The following THADA variants were observed in gnomAD, a reference collection of about 807,000 sequenced individuals.
THADA encodes THADA armadillo repeat containing.
THADA carries 213 observed loss-of-function variants against 219.8 expected under a neutral mutation model. The ratio of observed to expected loss-of-function variants is 0.97; its 90% CI spans 0.87 to 1.09. The LOEUF is 1.09. Among genes scored for constraint, THADA ranks in the 50% least tolerant of loss-of-function variants. THADA has a pLI of 0.00. For synonymous variants in THADA, 1,018 were observed against 828.9 expected, an observed-to-expected ratio of 1.23 and a Z score of -3.92; for missense variants, 2,956 against 2,311.3, an observed-to-expected ratio of 1.28 and a Z score of -5.72.
intron 22 of THADA, among the ~76,000 whole-genome samples, chr2:43,515,920 T>C (rs1691666185): frequency 6.6e-6 from 1 of 152,008 alleles, no homozygotes; most frequent in Non-Finnish European, 1.5e-5. Context: ...CAAACTAAAC[T>C]CCTGATCTTC....
chr2:43,422,394 C>T (rs564243085), intron 28 of THADA, among the ~76,000 whole-genome samples: 1 of 152,138 alleles, frequency 6.6e-6, no homozygotes, highest in Non-Finnish European at 1.5e-5. Flanking sequence ...CTCCCCTCGA[C>T]AGATACTAGT....
chr2:43,590,754 A>T, intron 4 of THADA, 70 bp downstream of exon 4: 3 of 1,546,718 alleles, frequency 1.9e-6, no homozygotes, highest in Non-Finnish European at 1.8e-6. Flanking sequence ...CAAACCAAGG[A>T]AGGAACTTCA....
At chr2:43,541,393 A>C (rs114312321) in intron 20 of THADA, 77 bp from the exon 21 acceptor site, 1 of 1,546,622 alleles carries the variant, frequency 6.5e-7, no homozygotes, top group Non-Finnish European at 8.9e-7. Flanking sequence ...CTTATTCATA[A>C]TTTCCCCAAG....
chr2:43,579,441 T>C (rs1039747498), intron 8 of THADA, among the ~76,000 whole-genome samples: 2 of 152,226 alleles, frequency 1.3e-5, no homozygotes, highest in Non-Finnish European at 2.9e-5. Context: ...GTTTTATCTC[T>C]ATTAGCCTCT....
At chr2:43,454,784 A>G (rs540482523) in intron 26 of THADA, among the ~76,000 whole-genome samples, 2 of 152,304 alleles carry the variant, frequency 1.3e-5, no homozygotes, top group Non-Finnish European at 2.9e-5. Context: ...ATAAAAGTAC[A>G]CTCTATTTTA....
chr2:43,462,059 G>A (rs1446843093), intron 26 of THADA, among the ~76,000 whole-genome samples: 3 of 152,132 alleles, frequency 2.0e-5, no homozygotes, highest in Non-Finnish European at 2.9e-5. Context: ...TCTGAGGAAG[G>A]CTGCTGAATC....
At chr2:43,363,597 G>A (rs889244333) in intron 29 of THADA, among the ~76,000 whole-genome samples, 4 of 152,150 alleles carry the variant, frequency 2.6e-5, no homozygotes, top group African/African-American at 7.2e-5. Context: ...CTTCAACTTT[G>A]GTTATCACTG....
At position 43,377,837 on chromosome 2, in the gene THADA, G is replaced by C. The variant is rs528398861; in HGVS notation, c.4227+20134C>G. ...GCACAGGGGACTGCCAGGAAAAACT[G>C]TTCCTGAAGATGAGCTAAAAAAGAA... On this transcript the variant is annotated intron_variant, in intron 29 of 37. Transcript: ENST00000405975. Among the ~76,000 whole-genome samples, 132 of 152,258 alleles carry C rather than the reference G, an allele frequency of 8.7e-4. No homozygotes were observed. In the Middle Eastern group the frequency reaches 0.014, roughly 16 times the overall value.
intron 36 of THADA, among the ~76,000 whole-genome samples, chr2:43,252,697 A>G (rs536933986): frequency 3.3e-5 from 5 of 152,086 alleles, no homozygotes; most frequent in Non-Finnish European, 7.4e-5. Context: ...CAGGCCTGTG[A>G]TGATCTTCCT....
intron 29 of THADA, among the ~76,000 whole-genome samples, chr2:43,386,339 T>C (rs1672681522): frequency 6.6e-6 from 1 of 152,006 alleles, no homozygotes; most frequent in Non-Finnish European, 1.5e-5. Context: ...TTTTCAAACA[T>C]ATGCCTTTGT....
At chr2:43,269,037 G>C (rs141300258) in intron 36 of THADA, among the ~76,000 whole-genome samples, 1 of 152,360 alleles carries the variant, frequency 6.6e-6, no homozygotes, top group Non-Finnish European at 1.5e-5. Flanking sequence ...ACAGTGAAGA[G>C]AAATCCTGCA....
chr2:43,457,461 A>G (rs1437751604), intron 26 of THADA, among the ~76,000 whole-genome samples: 1 of 152,228 alleles, frequency 6.6e-6, no homozygotes, highest in African/African-American at 2.4e-5. Context: ...AATAATTTAA[A>G]GTCAATCTTA....
Position 43,554,392 on chromosome 2 carries a change from T to C in THADA, c.2674+1953A>G, listed in dbSNP as rs569216800. On this transcript the variant is annotated intron_variant, in intron 17 of 37. Transcript: ENST00000405975. ...ACGCCTTGGAAGGAGAAGGTTATAT[T>C]CTAAATATTAGATTTGGTAAAAACA... Among the ~76,000 whole-genome samples the C allele has an allele frequency of 2.6e-5, 4 of 152,240 alleles. No homozygotes were observed. In the East Asian group the frequency reaches 7.7e-4, roughly 29 times the overall value.
chr2:43,518,360 G>A (rs1332691467), intron 22 of THADA, among the ~76,000 whole-genome samples: 6 of 152,178 alleles, frequency 3.9e-5, no homozygotes, highest in Non-Finnish European at 7.3e-5. Context: ...AGTTGATGCA[G>A]CTGCTTAGCT....
At chr2:43,549,475 C>A in intron 19 of THADA, 107 bp from the exon 20 acceptor site, 1 of 1,151,242 alleles carries the variant, frequency 8.7e-7, no homozygotes, top group Non-Finnish European at 1.2e-6. Flanking sequence ...ACTTAATAAT[C>A]AGCTTTATTA....
chr2:43,244,308 G>C lies in THADA; in HGVS notation c.5297-11426C>G, dbSNP rs150382314. Among the ~76,000 whole-genome samples, 808 of 152,326 alleles carry C rather than the reference G, an allele frequency of 5.3e-3. 11 individuals are homozygous for C. Among genetic ancestry groups the C allele is most frequent in the African/African-American group, 0.018 (737 of 41,560 alleles). On this transcript the variant is annotated intron_variant, in intron 36 of 37. Transcript: ENST00000405975. Reference sequence around the variant, plus strand: ...AAACCCTAGAAAAATACTTGCATTTGTTCACTTCAAACCACAGTAGCAAAT... The same window carrying C: ...AAACCCTAGAAAAATACTTGCATTTCTTCACTTCAAACCACAGTAGCAAAT...
In THADA at chr2:43,506,598, G is replaced by A. The variant is rs537794237; in HGVS notation, c.3508-863C>T. On this transcript the variant is annotated intron_variant, in intron 23 of 37. Coordinates refer to ENST00000405975, the MANE Select transcript of THADA (RefSeq NM_022065.5). ...GCAGGGGTAGAGAGAAATGGGAAGT[G>A]ACTGCTAATGAGTATGGGAGGTTTC... is the stretch of plus-strand genomic sequence containing the variant. Among the ~76,000 whole-genome samples the A allele has an allele frequency of 4.7e-4, 72 of 152,302 alleles. 1 individual carries two copies. The highest frequency in any genetic ancestry group is 1.7e-3 in the African/African-American group (71 of 41,570).
chr2:43,275,387 C>A (rs11892091), intron 36 of THADA, among the ~76,000 whole-genome samples: 1 of 152,028 alleles, frequency 6.6e-6, no homozygotes, highest in Admixed American at 6.6e-5. Context: ...TGGCTGAAGC[C>A]GAAAGAGCAA....
intron 23 of THADA, among the ~76,000 whole-genome samples, chr2:43,508,024 C>A (rs1247945955): frequency 6.6e-6 from 1 of 152,028 alleles, no homozygotes; most frequent in Admixed American, 6.6e-5. Flanking sequence ...GGGAGTCAGG[C>A]TGCCTGGGCT....
Sources: allele counts gnomAD v4.1 joint callset (sites outside exome capture counted in the v4.1 genomes callset), GRCh38; gene constraint gnomAD v4.1.1; transcripts MANE v1.5; gene names NCBI Gene and HGNC (gene_info 2026-07-23, HGNC 2026-07-21).